Variants in TMEM161A observed in about 807,000 individuals in gnomAD.
The protein encoded by TMEM161A is adaptive response to oxidative stress protein 29.
A neutral mutation model predicts 57.1 loss-of-function variants in TMEM161A; 46 were observed. The ratio of observed to expected loss-of-function variants is 0.81; its 90% CI spans 0.64 to 1.03. The LOEUF (loss-of-function observed/expected upper bound fraction) is 1.03, where lower values mean the gene tolerates loss of function less well. Among genes scored for constraint, TMEM161A ranks in the 50% least tolerant of loss-of-function variants. The probability of loss-of-function intolerance (pLI) is 0.00; values close to 1 mark genes in which losing one functional copy is unlikely to be tolerated. For missense variants in TMEM161A, 601 were observed against 621.5 expected (o/e 0.97, Z 0.35); for synonymous variants, 288 against 279.0 (o/e 1.03, Z -0.32).
At chr19:19,136,679 A>AT (rs1176355606) in intron 1 of TMEM161A, among the ~76,000 whole-genome samples, 3 of 152,124 alleles carry the variant, frequency 2.0e-5, no homozygotes, top group Non-Finnish European at 1.5e-5. Context: ...AATAATAATA[A>AT]AATAAAAATA....
At chr19:19,126,441 A>T (rs926154404) in intron 6 of TMEM161A, among the ~76,000 whole-genome samples, 2 of 151,346 alleles carry the variant, frequency 1.3e-5, no homozygotes, top group African/African-American at 4.9e-5. Context: ...AAAATATAAA[A>T]TGGGCTGAGC....
Position 19,120,064 on chromosome 19 carries a change from C to T in TMEM161A, c.1306G>A (p.Gly436Arg), listed in dbSNP as rs776624504. 8 of 1,594,434 alleles carry T rather than the reference C, an allele frequency of 5.0e-6. No individual in the cohort carries two copies. Among genetic ancestry groups the T allele is most frequent in the South Asian group, 3.4e-5 (3 of 88,026 alleles). The change falls in exon 12 of 12, where the codon GGG (glycine) becomes AGG (arginine). Residue 436 changes from glycine to arginine, a missense_variant. Coordinates refer to ENST00000162044, the MANE Select transcript of TMEM161A (RefSeq NM_017814.3). ...GGAGTAAGCAGGCCACCCAGAGCCC[C>T]GGCAATCCGCGCTGCAGTCTGCTGG... Reference protein sequence around the residue: ...EVQQTAARIAGALGGLLTPLF... With the variant: ...EVQQTAARIARALGGLLTPLF...
rs1231517795 is a variant in TMEM161A, at chr19:19,121,182, CG to C, written c.915-17del. 6.3e-7 allele frequency: 1 copy of C among 1,590,262 alleles called. No individual in the cohort carries two copies. The highest frequency in any genetic ancestry group is 8.6e-7 in the Non-Finnish European group (1 of 1,168,112). ...ATCGGACAGCCTGTGCGGAGAGGGC[CG>C]GGGGCAAGGGACTAAGAAGGTCGCC... On this transcript the variant is annotated splice_polypyrimidine_tract_variant and intron_variant, in intron 9 of 11. Transcript: ENST00000162044. This position sits in a 1 kb window ranked among gnomAD's most constrained non-coding sequence, Gnocchi z 5.8.
chr19:19,119,540 C>A lies in TMEM161A; in HGVS notation c.*390G>T, dbSNP rs1307191442. 9 of 222,722 alleles carry A rather than the reference C, an allele frequency of 4.0e-5. No homozygotes were observed. The highest frequency in any genetic ancestry group is 2.4e-4 in the Admixed American group (5 of 20,492). The allele number at this position is 222,722 out of a possible 1,614,324, so 13.8% of individuals were successfully genotyped here. ...CCTCCCGCGCAGCCCCCACCCTGCA[C>A]CCGGGCAGGTGCCACAGGGACGTGC... On this transcript the variant is annotated 3_prime_UTR_variant, in exon 12 of 12. Coordinates refer to ENST00000162044, the MANE Select transcript of TMEM161A (RefSeq NM_017814.3).
chr19:19,130,396 G>C lies in TMEM161A; in HGVS notation c.444-89C>G, dbSNP rs1568537312. 93 of 1,525,222 alleles carry C rather than the reference G, an allele frequency of 6.1e-5. 1 individual carries two copies. In the South Asian group the frequency reaches 1.1e-3, roughly 17 times the overall value. 94.5% of individuals were successfully genotyped at this position (1,525,222 alleles called of 1,614,324 possible). ...CCGTCTGGGACCCCAGAACTCCAGG[G>C]AACAAGCACTGCTGCACAAATAGGC... On this transcript the variant is annotated intron_variant, in intron 5 of 11. Coordinates refer to ENST00000162044, the MANE Select transcript of TMEM161A (RefSeq NM_017814.3).
chr19:19,137,294 C>G (rs1377402343), intron 1 of TMEM161A, among the ~76,000 whole-genome samples: 1 of 152,132 alleles, frequency 6.6e-6, no homozygotes, highest in Non-Finnish European at 1.5e-5. Flanking sequence ...TCTCAGAGGT[C>G]TTCCTGGACC....
chr19:19,123,832 C>T (rs753386376), intron 6 of TMEM161A, among the ~76,000 whole-genome samples: 14 of 152,130 alleles, frequency 9.2e-5, no homozygotes, highest in East Asian at 3.9e-4. Context: ...GAGGCCAAGA[C>T]GGGCAGATCA....
rs751175696 is a variant in TMEM161A at position 19,119,886 on chromosome 19, G to A, written c.*44C>T. ...AGAGGGGGCAGGCTAGTGTCCCGCT[G>A]CCCCAGGAACAGACCTCAGGGCCCC... On this transcript the variant is annotated 3_prime_UTR_variant, in exon 12 of 12. Transcript: ENST00000162044. 57 of 1,540,094 alleles carry A rather than the reference G, an allele frequency of 3.7e-5. 2 individuals carry two copies. The South Asian group carries it at 6.5e-4, about 18-fold the overall frequency.
At position 19,120,137 on chromosome 19, in the gene TMEM161A, G is replaced by A; in HGVS notation, c.1233C>T (p.Asp411=). The part of the protein sequence containing the change: ...GLGPAPLLSP[D]PSSASAAPIG... ...TGGGGGCAGCGCTGGCTGAGGATGG[G>A]TCGGGGGATAGTAGAGGAGCTGGGC... Residue 411 remains aspartate, a synonymous_variant, in exon 12 of 12, where the codon GAC becomes GAT. Coordinates refer to ENST00000162044, the MANE Select transcript of TMEM161A (RefSeq NM_017814.3). 2.6e-6 allele frequency: 4 copies of A among 1,564,478 alleles called. No homozygotes were observed. Among genetic ancestry groups the A allele is most frequent in the Non-Finnish European group, 3.5e-6 (4 of 1,154,502 alleles).
At position 19,132,727 on chromosome 19, in the gene TMEM161A, C is replaced by T; in HGVS notation, c.216G>A (p.Lys72=). The change falls in exon 4 of 12, where the codon AAG becomes AAA. Residue 72 remains lysine, a synonymous_variant. Coordinates refer to ENST00000162044, the MANE Select transcript of TMEM161A (RefSeq NM_017814.3). The surrounding 1 kb of genome is among the most constrained non-coding windows in gnomAD (Gnocchi z 4.3). ...GGGCATCTCGGGGCACAGACAGTGG[C>T]TTCTCCTCACTAAGGCCATTGGCCC... is the stretch of plus-strand genomic sequence containing the variant. ...ERWANGLSEE[K]PLSVPRDAPF... 1 of 1,569,714 alleles carries T rather than the reference C, an allele frequency of 6.4e-7. No homozygotes were observed. The highest frequency in any genetic ancestry group is 8.6e-7 in the Non-Finnish European group (1 of 1,158,710).
chr19:19,132,742 G>A lies in TMEM161A; in HGVS notation c.201C>T (p.Gly67=). The change falls in exon 4 of 12, where the codon GGC becomes GGT. Residue 67 remains glycine (G), a synonymous_variant. Coordinates refer to ENST00000162044, the MANE Select transcript of TMEM161A (RefSeq NM_017814.3). The surrounding 1 kb of genome is among the most constrained non-coding windows in gnomAD (Gnocchi z 4.3). ...PRGRKERWAN[G]LSEEKPLSVP... ...CAGACAGTGGCTTCTCCTCACTAAG[G>A]CCATTGGCCCACCTGGGAGGATGGT... 6.5e-7 allele frequency: 1 copy of A among 1,547,968 alleles called. No individual in the cohort carries two copies. Among genetic ancestry groups the A allele is most frequent in the Non-Finnish European group, 8.7e-7 (1 of 1,147,228 alleles).
chr19:19,120,738 C>T, intron 11 of TMEM161A, 27 bp downstream of exon 11: 10 of 1,607,524 alleles, frequency 6.2e-6, no homozygotes, highest in Non-Finnish European at 8.5e-6. Context: ...TCCGCCCCTC[C>T]TCCACCCCCA....
intron 6 of TMEM161A, among the ~76,000 whole-genome samples, chr19:19,123,187 G>A (rs898775347): frequency 2.0e-5 from 3 of 152,172 alleles, no homozygotes; most frequent in African/African-American, 7.2e-5. Flanking sequence ...AAGAGATAAG[G>A]AAGACAGAAC....
At chr19:19,130,524 C>T (rs545298815) in intron 5 of TMEM161A, 14 of 585,578 alleles carry the variant, frequency 2.4e-5, no homozygotes, top group African/African-American at 1.5e-4. Flanking sequence ...ATCAGGCCAC[C>T]GTGTCTGTAC....
Position 19,121,196 on chromosome 19 carries a change from TAAG to T in TMEM161A, c.915-33_915-31del. 6.3e-7 allele frequency: 1 copy of T among 1,575,112 alleles called. No homozygotes were observed. The highest frequency in any genetic ancestry group is 8.6e-7 in the Non-Finnish European group (1 of 1,160,286). ...GCGGAGAGGGCCGGGGGCAAGGGAC[TAAG>T]AAGGTCGCCCCCGACCCCCCAGGAT... On this transcript the variant is annotated intron_variant, in intron 9 of 11. Coordinates refer to ENST00000162044, the MANE Select transcript of TMEM161A (RefSeq NM_017814.3). The surrounding 1 kb of genome is among the most constrained non-coding windows in gnomAD (Gnocchi z 5.8).
chr19:19,124,305 T>C (rs1014177918), intron 6 of TMEM161A, among the ~76,000 whole-genome samples: 1 of 152,186 alleles, frequency 6.6e-6, no homozygotes, highest in African/African-American at 2.4e-5. Context: ...AAGATGGAGA[T>C]TTGAATTTAT....
intron 6 of TMEM161A, among the ~76,000 whole-genome samples, chr19:19,127,947 G>GA (rs927954359): frequency 2.0e-5 from 3 of 151,026 alleles, no homozygotes; most frequent in African/African-American, 4.9e-5. Context: ...CTCAAAAAAA[G>GA]AAAAAAAAAT....
chr19:19,119,552 CCA>C lies in TMEM161A; in HGVS notation c.*376_*377del, dbSNP rs1203665458. 4.3e-6 allele frequency: 1 copy of C among 233,312 alleles called. No individual in the cohort carries two copies. Among genetic ancestry groups the C allele is most frequent in the Non-Finnish European group, 8.7e-6 (1 of 114,938 alleles). 14.5% of individuals were successfully genotyped at this position (233,312 alleles called of 1,614,324 possible). On this transcript the variant is annotated 3_prime_UTR_variant, in exon 12 of 12. Coordinates refer to ENST00000162044, the MANE Select transcript of TMEM161A (RefSeq NM_017814.3). The stretch of plus-strand genomic sequence containing the variant: ...CCCCCACCCTGCACCCGGGCAGGTG[CCA>C]CAGGGACGTGCAAGACAGCTACCAC...
rs749232720 is a variant in TMEM161A at position 19,121,739 on chromosome 19, C to T, written c.656+20G>A. The T allele has an allele frequency of 3.7e-6, 6 of 1,613,678 alleles. No homozygotes were observed. Among genetic ancestry groups the T allele is most frequent in the Middle Eastern group, 1.6e-4 (1 of 6,080 alleles). On this transcript the variant is annotated intron_variant, in intron 7 of 11. Transcript: ENST00000162044. This position sits in a 1 kb window ranked among gnomAD's most constrained non-coding sequence, Gnocchi z 5.8. ...GGTCCCAGCCTGCCCTTGCCTCCCT[C>T]CCCCATTCCCAGGACTCACGCCCAG...
Sources: allele counts gnomAD v4.1 joint callset (sites outside exome capture counted in the v4.1 genomes callset), GRCh38; gene constraint gnomAD v4.1.1; non-coding constraint Gnocchi (gnomAD v3.1); transcripts MANE v1.5; gene names NCBI Gene and HGNC (gene_info 2026-07-23, HGNC 2026-07-21).